Variants in FAM200B observed in about 807,000 individuals in gnomAD.
FAM200B encodes protein FAM200B.
FAM200B carries 32 observed loss-of-function variants against 33.1 expected under a neutral mutation model. The ratio of observed to expected loss-of-function variants is 0.97; its 90% CI spans 0.73 to 1.30. The LOEUF is 1.30. Among genes scored for constraint, FAM200B ranks in the 50% most tolerant of loss-of-function variants. The probability of loss-of-function intolerance (pLI) is 0.00; values close to 1 mark genes in which losing one functional copy is unlikely to be tolerated. For synonymous variants in FAM200B, 240 were observed against 264.8 expected, an observed-to-expected ratio of 0.91 and a Z score of 0.91; for missense variants, 741 against 754.0, an observed-to-expected ratio of 0.98 and a Z score of 0.20.
the FAM200B span, among the ~76,000 whole-genome samples, chr4:15,647,222 C>CAAAAAAAAAAA: frequency 6.9e-4 from 25 of 36,426 alleles, no homozygotes; most frequent in East Asian, 1.9e-3. Flanking sequence ...GACTCCATCT[C>CAAAAAAAAAAA]AAAAAAAAAA....
the FAM200B span, chr4:15,655,192 G>A: frequency 1.6e-4 from 226 of 1,400,870 alleles, no homozygotes; most frequent in Non-Finnish European, 1.6e-4. Flanking sequence ...GGGAGGCTCA[G>A]CGCTCCGTTA....
At chr4:15,655,390 C>T in the FAM200B span, 1 of 1,043,822 alleles carries the variant, frequency 9.6e-7, no homozygotes, top group Non-Finnish European at 1.2e-6. Context: ...CATGCGCCCG[C>T]CCCGTCGGCG....
At position 15,688,851 on chromosome 4, in the gene FAM200B, A is replaced by T. The variant is rs759896861; in HGVS notation, c.1874A>T (p.Glu625Val). Residue 625 changes from glutamate to valine, a missense_variant, in exon 2 of 2, where the codon GAA becomes GTA. Glu to Val is a moderately radical substitution (Grantham distance 121). Transcript: ENST00000422728. Reference sequence around the variant, plus strand: ...ATCTTAACGCAGTTAAAAACAAAGGAAAGAAATGGGCTGAATTGTGCAGCA... The same window carrying T: ...ATCTTAACGCAGTTAAAAACAAAGGTAAGAAATGGGCTGAATTGTGCAGCA... ...FSILTQLKTK[E>V]RNGLNCAAVM... 2 of 1,551,542 alleles carry T rather than the reference A, an allele frequency of 1.3e-6. No homozygotes were observed.
the FAM200B span, among the ~76,000 whole-genome samples, chr4:15,650,303 T>C: frequency 6.6e-6 from 1 of 152,242 alleles, no homozygotes; most frequent in South Asian, 2.1e-4. Flanking sequence ...TGACCTTCAG[T>C]ATGAAATATA....
the FAM200B span, among the ~76,000 whole-genome samples, chr4:15,671,010 G>A: frequency 1.2e-4 from 16 of 129,256 alleles, no homozygotes; most frequent in African/African-American, 8.9e-5. Context: ...TATAACCTCC[G>A]CCTCCTGGGT....
In FAM200B at chr4:15,688,518, C is replaced by T; in HGVS notation, c.1541C>T (p.Ser514Phe). 6.5e-7 allele frequency: 1 copy of T among 1,546,812 alleles called. No homozygotes were observed. ...IKLEILLHLT[S>F]LSQTFNHFFP... ...TTAGAGATATTGTTGCATCTCACTT[C>T]TCTGTCTCAAACTTTTAACCATTTC... Residue 514 changes from serine to phenylalanine, a missense_variant, in exon 2 of 2, where the codon TCT (serine) becomes TTT (phenylalanine). Transcript: ENST00000422728.
At chr4:15,669,472 A>T in the FAM200B span, among the ~76,000 whole-genome samples, 1 of 152,208 alleles carries the variant, frequency 6.6e-6, no homozygotes, top group African/African-American at 2.4e-5. Flanking sequence ...TTGCTAGATA[A>T]TATAATTTTT....
intron 1 of FAM200B, among the ~76,000 whole-genome samples, chr4:15,682,816 A>G (rs1252606608): frequency 6.6e-6 from 1 of 152,226 alleles, no homozygotes; most frequent in African/African-American, 2.4e-5. Context: ...GGCAAAAGGA[A>G]TACTAGCCAA....
intron 1 of FAM200B, 89 bp downstream of exon 1, chr4:15,681,990 C>G (rs1024186208): frequency 6.6e-6 from 1 of 152,464 alleles, no homozygotes; most frequent in Non-Finnish European, 1.5e-5. Flanking sequence ...GAAATACAGT[C>G]TGGTTTTGCC....
the FAM200B span, among the ~76,000 whole-genome samples, chr4:15,637,507 ATTCT>A: frequency 6.6e-6 from 1 of 152,238 alleles, no homozygotes; most frequent in Non-Finnish European, 1.5e-5. Context: ...CTATGATCAC[ATTCT>A]TTAAACTACC....
chr4:15,656,312 G>C, the FAM200B span: 2 of 456,160 alleles, frequency 4.4e-6, no homozygotes, highest in Non-Finnish European at 8.8e-6. Context: ...GCTCACGCCG[G>C]TCAGTCTTAG....
chr4:15,680,922 AAT>A (rs935128223), upstream of FAM200B, among the ~76,000 whole-genome samples: 8 of 148,570 alleles, frequency 5.4e-5, no homozygotes, highest in East Asian at 1.9e-4. Context: ...TATATATAAG[AAT>A]ATATATATAT....
chr4:15,688,068 G>T lies in FAM200B; in HGVS notation c.1091G>T (p.Arg364Leu). 6.4e-7 allele frequency: 1 copy of T among 1,551,050 alleles called. No homozygotes were observed. The highest frequency in any genetic ancestry group is 8.7e-7 in the Non-Finnish European group (1 of 1,146,706). Reference sequence around the variant, plus strand: ...ATTAAAGGAAGCTCATTGAATAGCCGGCTTCTTGAAACATTTTGTTCAGAG... The same window carrying T: ...ATTAAAGGAAGCTCATTGAATAGCCTGCTTCTTGAAACATTTTGTTCAGAG... ...NFIKGSSLNSRLLETFCSEIG... is the reference protein window; with the variant it reads ...NFIKGSSLNSLLLETFCSEIG... Residue 364 changes from arginine (R) to leucine (L), a missense_variant, in exon 2 of 2, where the codon CGG becomes CTG. By Grantham distance (102) the Arg-to-Leu change is moderately radical. Transcript: ENST00000422728.
chr4:15,653,213 A>G, the FAM200B span, among the ~76,000 whole-genome samples: 9 of 152,204 alleles, frequency 5.9e-5, no homozygotes, highest in Non-Finnish European at 1.3e-4. Context: ...TTAATTCAGA[A>G]TTAGTAATAA....
At chr4:15,673,193 A>G in the FAM200B span, among the ~76,000 whole-genome samples, 2 of 152,208 alleles carry the variant, frequency 1.3e-5, no homozygotes, top group African/African-American at 2.4e-5. Flanking sequence ...TGTAATAAGC[A>G]CTTTGGGAGG....
the FAM200B span, among the ~76,000 whole-genome samples, chr4:15,665,529 T>C: frequency 6.6e-6 from 1 of 152,196 alleles, no homozygotes; most frequent in Non-Finnish European, 1.5e-5. Flanking sequence ...ATTACTTGAA[T>C]GCTAAACACC....
the FAM200B span, chr4:15,655,350 CG>C: frequency 1.7e-5 from 21 of 1,257,692 alleles, no homozygotes; most frequent in East Asian, 3.2e-4. Flanking sequence ...ACACCCTCGC[CG>C]CGGGGCAGAG....
At chr4:15,638,767 T>C in the FAM200B span, 18 of 948,780 alleles carry the variant, frequency 1.9e-5, no homozygotes, top group African/African-American at 3.7e-5. Flanking sequence ...TTTTAAATTA[T>C]TAATGGCTCG....
the FAM200B span, among the ~76,000 whole-genome samples, chr4:15,645,091 G>A: frequency 2.2e-4 from 33 of 151,936 alleles, 1 homozygote; most frequent in South Asian, 3.7e-3. Context: ...TACAACAGAC[G>A]GGTAGATGAA....
Sources: allele counts gnomAD v4.1 joint callset (sites outside exome capture counted in the v4.1 genomes callset), GRCh38; gene constraint gnomAD v4.1.1; transcripts MANE v1.5; gene names NCBI Gene and HGNC (gene_info 2026-07-23, HGNC 2026-07-21).